Variants in TMEM132B observed in about 807,000 individuals in gnomAD.
TMEM132B encodes the protein transmembrane protein 132B.
TMEM132B carries 18 observed loss-of-function variants against 90.8 expected under a neutral mutation model. The observed-to-expected ratio is 0.20, with a 90% CI of 0.14 to 0.29. The LOEUF is 0.29. TMEM132B is among the 10% of genes least tolerant of loss of function. The pLI, the probability that TMEM132B is intolerant of heterozygous loss-of-function variation, is 1.00. For synonymous variants in TMEM132B, 504 were observed against 523.3 expected, an observed-to-expected ratio of 0.96 and a Z score of 0.50; for missense variants, 1,096 against 1,326.8, an observed-to-expected ratio of 0.83 and a Z score of 2.70.
intron 1 of TMEM132B, among the ~76,000 whole-genome samples, chr12:125,274,196 T>G (rs989647064): frequency 1.3e-5 from 2 of 152,194 alleles, no homozygotes; most frequent in Non-Finnish European, 2.9e-5. Context: ...TGGGAGACTC[T>G]TTCACATTGA....
chr12:125,248,792 C>A (rs780804236), intron 1 of TMEM132B, among the ~76,000 whole-genome samples: 39 of 152,248 alleles, frequency 2.6e-4, no homozygotes, highest in Admixed American at 6.5e-4. Context: ...TGGGCCTGCA[C>A]CACAGTTCCC....
At chr12:125,381,858 G>A (rs1878693668) in intron 2 of TMEM132B, among the ~76,000 whole-genome samples, 1 of 152,160 alleles carries the variant, frequency 6.6e-6, no homozygotes, top group African/African-American at 2.4e-5. Context: ...TTCTATGGAT[G>A]CCAATGGGAA....
At chr12:125,437,340 G>A (rs1289249615) in intron 3 of TMEM132B, among the ~76,000 whole-genome samples, 1 of 152,174 alleles carries the variant, frequency 6.6e-6, no homozygotes, top group Non-Finnish European at 1.5e-5. Context: ...CAAAAGGGAT[G>A]GACTTTTGGG....
intron 5 of TMEM132B, among the ~76,000 whole-genome samples, chr12:125,615,508 A>G (rs1450302973): frequency 2.6e-5 from 4 of 152,118 alleles, no homozygotes; most frequent in African/African-American, 9.7e-5. Context: ...GAGCTAATCT[A>G]GCAAATTTTT....
At chr12:125,605,436 T>A (rs1321392673) in intron 5 of TMEM132B, among the ~76,000 whole-genome samples, 1 of 152,136 alleles carries the variant, frequency 6.6e-6, no homozygotes, top group Non-Finnish European at 1.5e-5. Flanking sequence ...GCAGAATTAA[T>A]CATTCCACAG....
At chr12:125,215,750 C>G (rs946266168) in intron 1 of TMEM132B, among the ~76,000 whole-genome samples, 3 of 152,232 alleles carry the variant, frequency 2.0e-5, no homozygotes, top group Non-Finnish European at 2.9e-5. Context: ...CCATGTTGCC[C>G]AGGCTGGTCT....
intron 1 of TMEM132B, among the ~76,000 whole-genome samples, chr12:125,232,863 G>T (rs985060905): frequency 1.3e-5 from 2 of 152,224 alleles, no homozygotes; most frequent in Admixed American, 6.5e-5. Context: ...AGATCTTTCT[G>T]ATGAAAGTTA....
Position 125,325,775 on chromosome 12 carries a change from T to A in TMEM132B, c.68-23677T>A, listed in dbSNP as rs115759751. ...TTGTTGTTGTTTCCAACTTTTCAGGTGGAGCTCTCTGGCTTACTAGCTTCT... is the reference window on the plus strand; with the variant it reads ...TTGTTGTTGTTTCCAACTTTTCAGGAGGAGCTCTCTGGCTTACTAGCTTCT... On this transcript the variant is annotated intron_variant, in intron 1 of 8. Coordinates refer to ENST00000682704, the MANE Select transcript of TMEM132B (RefSeq NM_001366854.1). Among the ~76,000 whole-genome samples, 701 of 152,070 alleles carry A rather than the reference T, an allele frequency of 4.6e-3. 8 individuals carry two copies. Among genetic ancestry groups the A allele is most frequent in the African/African-American group, 0.016 (666 of 41,472 alleles).
intron 1 of TMEM132B, among the ~76,000 whole-genome samples, chr12:125,236,129 AT>A (rs1038729684): frequency 1.0e-4 from 14 of 140,232 alleles, no homozygotes; most frequent in Non-Finnish European, 2.1e-4. Flanking sequence ...TAATAGTTGA[AT>A]TTTTTGTTTG....
chr12:125,293,286 T>G (rs1336184271), intron 1 of TMEM132B, among the ~76,000 whole-genome samples: 4 of 152,214 alleles, frequency 2.6e-5, no homozygotes, highest in Non-Finnish European at 5.9e-5. Context: ...TGCAGCAGTT[T>G]TATTTAACTT....
At chr12:125,545,394 G>A (rs1484871838) in intron 4 of TMEM132B, among the ~76,000 whole-genome samples, 1 of 152,208 alleles carries the variant, frequency 6.6e-6, no homozygotes, top group Non-Finnish European at 1.5e-5. Context: ...TGGTCACAAA[G>A]GCTCAGATTG....
At chr12:125,432,366 A>AAAATATATATATATAT (rs1199430670) in intron 3 of TMEM132B, among the ~76,000 whole-genome samples, 1 of 11,916 alleles carries the variant, frequency 8.4e-5, no homozygotes, top group African/African-American at 2.7e-4. Context: ...GAATTCCTTG[A>AAAATATATATATATAT]ATATATATAT....
At chr12:125,502,826 C>T (rs1169460259) in intron 3 of TMEM132B, among the ~76,000 whole-genome samples, 2 of 152,060 alleles carry the variant, frequency 1.3e-5, no homozygotes, top group East Asian at 3.8e-4. Context: ...TAATCCATAA[C>T]TTGGAGACCC....
intron 2 of TMEM132B, among the ~76,000 whole-genome samples, chr12:125,389,121 C>T (rs1398230942): frequency 1.3e-5 from 2 of 151,624 alleles, no homozygotes; most frequent in African/African-American, 2.4e-5. Flanking sequence ...ATGAGCAAGA[C>T]AGATAAAAGT....
At chr12:125,396,083 C>G (rs921151989) in intron 2 of TMEM132B, among the ~76,000 whole-genome samples, 3 of 152,184 alleles carry the variant, frequency 2.0e-5, no homozygotes, top group African/African-American at 7.2e-5. Flanking sequence ...ATCCCTGAAA[C>G]CAACAGTGGA....
chr12:125,554,149 C>T (rs1001212230), intron 4 of TMEM132B, among the ~76,000 whole-genome samples: 2 of 151,952 alleles, frequency 1.3e-5, no homozygotes, highest in East Asian at 1.9e-4. Flanking sequence ...GTAGGCCGGG[C>T]GCGGTGGCTC....
At chr12:125,197,712 C>G (rs1184053325) in intron 1 of TMEM132B, among the ~76,000 whole-genome samples, 1 of 152,160 alleles carries the variant, frequency 6.6e-6, no homozygotes, top group Non-Finnish European at 1.5e-5. Context: ...GTAGGGAATG[C>G]TCTGTGAATG....
intron 1 of TMEM132B, among the ~76,000 whole-genome samples, chr12:125,250,596 G>A (rs1303961503): frequency 6.6e-6 from 1 of 152,170 alleles, no homozygotes; most frequent in Non-Finnish European, 1.5e-5. Flanking sequence ...CTAAGCACAG[G>A]AGCACTTAGT....
chr12:125,616,077 A>G (rs1885978217), intron 5 of TMEM132B, among the ~76,000 whole-genome samples: 1 of 145,348 alleles, frequency 6.9e-6, no homozygotes, highest in African/African-American at 2.5e-5. Flanking sequence ...TCATAATGCT[A>G]TCCCTCTCCC....
Sources: gnomAD v4.1 joint callset for allele counts (sites outside exome capture counted in the v4.1 genomes callset) on GRCh38, gnomAD v4.1.1 for gene constraint, MANE v1.5 for transcripts, NCBI Gene and HGNC (gene_info 2026-07-23, HGNC 2026-07-21) for gene names.